Variants in EDN1 observed in about 807,000 individuals in gnomAD.
EDN1 encodes endothelin 1, also known as endothelin-1.
EDN1 carries 11 observed loss-of-function variants against 21.7 expected under a neutral mutation model. The observed-to-expected ratio is 0.51, with a 90% CI of 0.32 to 0.84. The LOEUF is 0.84. EDN1 is among the 40% of genes least tolerant of loss of function. EDN1 has a pLI of 0.03. For synonymous variants in EDN1, 85 were observed against 90.6 expected (o/e 0.94, Z 0.35); for missense variants, 244 against 262.3 (o/e 0.93, Z 0.48).
chr6:12,259,567 T>C, the EDN1 span, among the ~76,000 whole-genome samples: 15 of 151,824 alleles, frequency 9.9e-5, no homozygotes, highest in South Asian at 8.3e-4. Context: ...CAAAATATCA[T>C]CTAGAGAAAT....
chr6:12,238,527 C>T, the EDN1 span, among the ~76,000 whole-genome samples: 547 of 152,310 alleles, frequency 3.6e-3, 1 homozygote, highest in Middle Eastern at 0.014. Context: ...AGAGAACCAG[C>T]TGTGAAATGT....
At chr6:12,289,631 G>A (rs1234132561), upstream of EDN1, among the ~76,000 whole-genome samples, 3 of 152,126 alleles carry the variant, frequency 2.0e-5, no homozygotes, top group Non-Finnish European at 4.4e-5. Context: ...AGCCTCCTCC[G>A]CAGGGGAAGT....
intron 1 of EDN1, 125 bp from the exon 2 acceptor site, chr6:12,292,216 C>A (rs1694615398): frequency 1.5e-6 from 2 of 1,358,592 alleles, no homozygotes; most frequent in Non-Finnish European, 2.1e-6. Context: ...GTGTTTCTTG[C>A]TGATGGCAGG....
upstream of EDN1, among the ~76,000 whole-genome samples, chr6:12,288,424 C>T (rs1184478287): frequency 6.6e-6 from 1 of 152,178 alleles, no homozygotes; most frequent in Admixed American, 6.5e-5. Flanking sequence ...CAGGCGGCAG[C>T]GCTGGCTTCC....
At chr6:12,288,504 ACAGCGGAGGCCAGGGGCCC>A (rs1762603012), upstream of EDN1, among the ~76,000 whole-genome samples, 1 of 150,790 alleles carries the variant, frequency 6.6e-6, no homozygotes. Context: ...AGGTAAGCGC[ACAGCGGAGGCCAGGGGCCC>A]CGGCAGAGGC....
chr6:12,263,081 C>T, the EDN1 span, among the ~76,000 whole-genome samples: 2 of 152,110 alleles, frequency 1.3e-5, no homozygotes, highest in South Asian at 2.1e-4. Context: ...GTGAAGACAG[C>T]TCTATCATCT....
At chr6:12,284,612 GGAAA>G in the EDN1 span, among the ~76,000 whole-genome samples, 1 of 129,728 alleles carries the variant, frequency 7.7e-6, no homozygotes, top group South Asian at 2.4e-4. Flanking sequence ...GAGAAAGAAA[GGAAA>G]GAAAGAGAGA....
chr6:12,295,643 A>T (rs1629862), intron 4 of EDN1, among the ~76,000 whole-genome samples: 1 of 152,062 alleles, frequency 6.6e-6, no homozygotes, highest in Admixed American at 6.5e-5. Flanking sequence ...AGGCAGGGTC[A>T]CATAGTGATG....
At chr6:12,261,566 AG>A in the EDN1 span, among the ~76,000 whole-genome samples, 1 of 152,202 alleles carries the variant, frequency 6.6e-6, no homozygotes, top group Non-Finnish European at 1.5e-5. Context: ...CTGACAAGGA[AG>A]GGAAGCGGTG....
the EDN1 span, among the ~76,000 whole-genome samples, chr6:12,257,774 C>G: frequency 2.6e-5 from 4 of 152,112 alleles, no homozygotes; most frequent in East Asian, 1.9e-4. Context: ...GTTTTGGAAC[C>G]GGTTTGTCAT....
the EDN1 span, among the ~76,000 whole-genome samples, chr6:12,284,192 A>G: frequency 9.8e-5 from 15 of 152,336 alleles, no homozygotes; most frequent in Non-Finnish European, 1.9e-4. Flanking sequence ...AGAGAAAAGG[A>G]GTTTTCTGAG....
At chr6:12,275,584 T>C in the EDN1 span, among the ~76,000 whole-genome samples, 4 of 152,120 alleles carry the variant, frequency 2.6e-5, no homozygotes, top group Non-Finnish European at 4.4e-5. Flanking sequence ...TCATGTAATG[T>C]TTATATTATA....
At chr6:12,288,476 G>A (rs1762601972), upstream of EDN1, among the ~76,000 whole-genome samples, 3 of 152,178 alleles carry the variant, frequency 2.0e-5, no homozygotes, top group South Asian at 6.2e-4. Context: ...GGCCTCCCTG[G>A]GCCCCGGGGC....
the EDN1 span, among the ~76,000 whole-genome samples, chr6:12,275,813 G>A: frequency 6.6e-6 from 1 of 151,904 alleles, no homozygotes; most frequent in Admixed American, 6.6e-5. Context: ...GTGTGTGTGT[G>A]TGTGTGTGTG....
the EDN1 span, among the ~76,000 whole-genome samples, chr6:12,238,730 C>T: frequency 3.9e-5 from 6 of 152,248 alleles, no homozygotes; most frequent in Middle Eastern, 0.014. Context: ...CCATTGTAGC[C>T]ACAAAATCAA....
the EDN1 span, among the ~76,000 whole-genome samples, chr6:12,254,244 G>T: frequency 6.6e-5 from 10 of 151,986 alleles, no homozygotes; most frequent in African/African-American, 2.4e-4. Context: ...CCAAATACTG[G>T]GTCAGCCGCT....
At chr6:12,271,109 G>GT in the EDN1 span, among the ~76,000 whole-genome samples, 29 of 146,852 alleles carry the variant, frequency 2.0e-4, no homozygotes, top group East Asian at 4.0e-4. Context: ...ACACATACTT[G>GT]TTTTTTTTTT....
At chr6:12,233,847 T>A in the EDN1 span, among the ~76,000 whole-genome samples, 1 of 152,186 alleles carries the variant, frequency 6.6e-6, no homozygotes, top group Non-Finnish European at 1.5e-5. Flanking sequence ...CCTGTACTCC[T>A]TGAACTGCTG....
Position 12,296,886 on chromosome 6 carries a change from G to A in EDN1, c.*819G>A, listed in dbSNP as rs1762840558. The A allele has an allele frequency of 1.3e-5, 2 of 152,142 alleles. No individual in the cohort carries two copies. Among genetic ancestry groups the A allele is most frequent in the African/African-American group, 4.8e-5 (2 of 41,422 alleles). 9.4% of individuals were successfully genotyped at this position (152,142 alleles called of 1,614,324 possible). The stretch of plus-strand genomic sequence containing the variant: ...GTCCTTGATTTTTGGAGACACAATG[G>A]TATAGGGTTGTTTATGAAATATATT... On this transcript the variant is annotated 3_prime_UTR_variant, in exon 5 of 5. Coordinates refer to ENST00000379375, the MANE Select transcript of EDN1 (RefSeq NM_001955.5).
Sources: allele counts gnomAD v4.1 joint callset (sites outside exome capture counted in the v4.1 genomes callset), GRCh38; gene constraint gnomAD v4.1.1; transcripts MANE v1.5; gene names NCBI Gene and HGNC (gene_info 2026-07-23, HGNC 2026-07-21).